PTPRD: variants seen among roughly 807,000 people sequenced by gnomAD.
PTPRD encodes the protein receptor-type tyrosine-protein phosphatase delta.
A neutral mutation model predicts 214.5 loss-of-function variants in PTPRD; 34 were observed. That is an observed-to-expected ratio of 0.16 (90% CI 0.12 to 0.21). The LOEUF is 0.21. Ranked by LOEUF, PTPRD falls within the 10% of genes least tolerant of loss-of-function variation. The pLI is 1.00. For synonymous variants in PTPRD, 1,128 were observed against 845.7 expected, an observed-to-expected ratio of 1.33 and a Z score of -5.79; for missense variants, 2,545 against 2,398.7, an observed-to-expected ratio of 1.06 and a Z score of -1.27.
intron 10 of PTPRD, among the ~76,000 whole-genome samples, chr9:9,066,237 G>A (rs977826065): frequency 1.4e-5 from 2 of 142,118 alleles, no homozygotes; most frequent in South Asian, 2.3e-4. Flanking sequence ...TTTTGTGTAG[G>A]ATCGGTGTTA....
chr9:9,483,303 G>C (rs1589561427), intron 8 of PTPRD, among the ~76,000 whole-genome samples: 1 of 152,118 alleles, frequency 6.6e-6, no homozygotes, highest in Non-Finnish European at 1.5e-5. Context: ...ATTTCATACA[G>C]CAAGTACGTT....
chr9:8,916,524 A>AGGT (rs1474625114), intron 11 of PTPRD, among the ~76,000 whole-genome samples: 8 of 152,136 alleles, frequency 5.3e-5, no homozygotes, highest in African/African-American at 1.9e-4. Flanking sequence ...GATGAACTGG[A>AGGT]GGTAGTGTGT....
chr9:9,839,880 A>C (rs1429742385), intron 5 of PTPRD, among the ~76,000 whole-genome samples: 1 of 152,038 alleles, frequency 6.6e-6, no homozygotes, highest in Non-Finnish European at 1.5e-5. Context: ...AATAAATCTA[A>C]TATTTATTTA....
chr9:10,006,525 A>G (rs1025854072), intron 4 of PTPRD, among the ~76,000 whole-genome samples: 11 of 152,020 alleles, frequency 7.2e-5, no homozygotes, highest in African/African-American at 2.4e-4. Context: ...CCCGTTTTAC[A>G]GAATTCAGGG....
chr9:8,746,646 G>A (rs1056465780), intron 11 of PTPRD, among the ~76,000 whole-genome samples: 2 of 152,116 alleles, frequency 1.3e-5, no homozygotes, highest in Non-Finnish European at 2.9e-5. Context: ...TATCTTAAAT[G>A]AACAGCCCAT....
intron 39 of PTPRD, among the ~76,000 whole-genome samples, chr9:8,347,318 C>T (rs955405264): frequency 2.0e-5 from 3 of 152,068 alleles, no homozygotes; most frequent in African/African-American, 7.2e-5. Flanking sequence ...CTTTGTTCTT[C>T]CATCCATATT....
intron 3 of PTPRD, among the ~76,000 whole-genome samples, chr9:10,127,388 A>C (rs963531329): frequency 8.5e-5 from 13 of 152,218 alleles, no homozygotes; most frequent in African/African-American, 3.1e-4. Flanking sequence ...ATAATTCTAC[A>C]AATTGAATTA....
intron 12 of PTPRD, among the ~76,000 whole-genome samples, chr9:8,687,834 G>C (rs1057195105): frequency 6.6e-6 from 1 of 151,556 alleles, no homozygotes; most frequent in African/African-American, 2.4e-5. Flanking sequence ...ACGTACATCA[G>C]TGTCTACATT....
At chr9:8,995,098 A>G (rs2099391478) in intron 11 of PTPRD, among the ~76,000 whole-genome samples, 1 of 151,932 alleles carries the variant, frequency 6.6e-6, no homozygotes, top group South Asian at 2.1e-4. Context: ...GAAGCTCTAC[A>G]TGAAAATTTA....
intron 11 of PTPRD, among the ~76,000 whole-genome samples, chr9:8,800,463 G>A (rs1016213447): frequency 1.3e-5 from 2 of 152,158 alleles, no homozygotes; most frequent in Admixed American, 6.6e-5. Flanking sequence ...ACAGCTTGCA[G>A]TAAAGAAGCC....
chr9:10,224,215 A>G (rs1425394003), intron 3 of PTPRD, among the ~76,000 whole-genome samples: 2 of 152,128 alleles, frequency 1.3e-5, no homozygotes, highest in Non-Finnish European at 2.9e-5. Context: ...CTTATTTAAA[A>G]TAAGATAGTA....
rs535385276 is a variant in PTPRD, at chr9:10,599,006, T to A, written c.-600+13392A>T. On this transcript the variant is annotated intron_variant, in intron 2 of 45. Transcript: ENST00000381196. ...AGCTAGGTACACAACTAAACAGCTA[T>A]GGGACTACATTTCCCAGCTTCACGT... 6.6e-5 allele frequency among the ~76,000 whole-genome samples: 10 copies of A among 151,780 alleles called. No individual in the cohort carries two copies. The East Asian group carries it at 1.8e-3, about 27-fold the overall frequency.
At chr9:10,610,489 C>T (rs991022942) in intron 2 of PTPRD, among the ~76,000 whole-genome samples, 1 of 149,302 alleles carries the variant, frequency 6.7e-6, no homozygotes, top group Non-Finnish European at 1.5e-5. Flanking sequence ...CAATCTTCCC[C>T]TTTATTTTTC....
At chr9:10,399,348 A>G (rs977676599) in intron 2 of PTPRD, among the ~76,000 whole-genome samples, 3 of 151,946 alleles carry the variant, frequency 2.0e-5, no homozygotes, top group Non-Finnish European at 4.4e-5. Context: ...TAGACGCTCT[A>G]ATTCACAGGA....
chr9:10,171,652 G>C (rs1299884479), intron 3 of PTPRD, among the ~76,000 whole-genome samples: 1 of 152,250 alleles, frequency 6.6e-6, no homozygotes, highest in South Asian at 2.1e-4. Flanking sequence ...AGCCTCCTGA[G>C]TAGCTGGGAC....
chr9:9,755,973 AG>A (rs2154471926), intron 6 of PTPRD, among the ~76,000 whole-genome samples: 1 of 152,192 alleles, frequency 6.6e-6, no homozygotes, highest in East Asian at 1.9e-4. Flanking sequence ...CTTATCAAGT[AG>A]AAAATAATTA....
intron 3 of PTPRD, among the ~76,000 whole-genome samples, chr9:10,082,862 C>CACACAT (rs1201633951): frequency 6.6e-5 from 10 of 151,430 alleles, no homozygotes; most frequent in Middle Eastern, 6.8e-3. Flanking sequence ...CACACACACA[C>CACACAT]ACCCTAGATT....
chr9:9,465,658 A>G (rs1460854095), intron 8 of PTPRD, among the ~76,000 whole-genome samples: 2 of 152,122 alleles, frequency 1.3e-5, no homozygotes, highest in Non-Finnish European at 2.9e-5. Flanking sequence ...GCCTTTTTCT[A>G]TGCCCCAAAC....
intron 4 of PTPRD, among the ~76,000 whole-genome samples, chr9:10,009,062 T>C (rs2096545530): frequency 1.3e-5 from 2 of 152,104 alleles, no homozygotes; most frequent in South Asian, 4.1e-4. Context: ...TAAAGTTATT[T>C]AATGAAAAGT....
Sources: gnomAD v4.1 joint callset for allele counts (sites outside exome capture counted in the v4.1 genomes callset) on GRCh38, gnomAD v4.1.1 for gene constraint, MANE v1.5 for transcripts, NCBI Gene and HGNC (gene_info 2026-07-23, HGNC 2026-07-21) for gene names.